The following WDR3 variants were observed in gnomAD, a reference collection of about 807,000 sequenced individuals.
The protein encoded by WDR3 is WD repeat-containing protein 3.
WDR3 carries 81 observed loss-of-function variants against 123.7 expected under a neutral mutation model. That is an observed-to-expected ratio of 0.65 (90% confidence interval 0.55 to 0.79). WDR3 has a LOEUF of 0.79. Ranked by LOEUF, WDR3 falls within the 30% of genes least tolerant of loss-of-function variation. The probability of loss-of-function intolerance (pLI) is 0.00; values close to 1 mark genes in which losing one functional copy is unlikely to be tolerated. For missense variants in WDR3, 1,027 were observed against 1,123.2 expected, an observed-to-expected ratio of 0.91 and a Z score of 1.22; for synonymous variants, 390 against 388.8, an observed-to-expected ratio of 1.00 and a Z score of -0.04.
intron 22 of WDR3, 22 bp downstream of exon 22, chr1:117,954,121 T>G (rs780773815): frequency 6.3e-7 from 1 of 1,586,906 alleles, no homozygotes; most frequent in Non-Finnish European, 8.6e-7. Flanking sequence ...GTACAGTAAG[T>G]TACAGTATCA....
At chr1:117,948,679 GT>G (rs1651498065) in intron 13 of WDR3, among the ~76,000 whole-genome samples, 173 bp downstream of exon 13, 1 of 149,056 alleles carries the variant, frequency 6.7e-6, no homozygotes, top group Middle Eastern at 3.3e-3. Context: ...ATGAAATCTT[GT>G]TTGGCTACTT....
intron 15 of WDR3, 106 bp downstream of exon 15, chr1:117,950,236 C>T: frequency 7.6e-7 from 1 of 1,324,396 alleles, no homozygotes; most frequent in Non-Finnish European, 1.0e-6. Flanking sequence ...AGCGATAGTA[C>T]ATTTCTAAAA....
chr1:117,956,559 T>A (rs1031102409), intron 24 of WDR3, among the ~76,000 whole-genome samples: 3 of 152,162 alleles, frequency 2.0e-5, no homozygotes, highest in Non-Finnish European at 4.4e-5. Flanking sequence ...AATTAATAGG[T>A]TTGTAATCCC....
chr1:117,939,341 G>C (rs539035503), intron 5 of WDR3, 136 bp from the exon 6 acceptor site: 92 of 800,472 alleles, frequency 1.1e-4, no homozygotes, highest in Admixed American at 2.6e-4. Flanking sequence ...ATTTTGAAAG[G>C]GTTGTCGATA....
In WDR3 at chr1:117,961,144, G is replaced by C. The variant is rs1158052060; in HGVS notation, c.*1697G>C. 1 of 152,160 alleles carries C rather than the reference G, an allele frequency of 6.6e-6. No individual in the cohort carries two copies. The highest frequency in any genetic ancestry group is 2.4e-5 in the African/African-American group (1 of 41,424). 9.4% of individuals were successfully genotyped at this position (152,160 alleles called of 1,614,324 possible). A position where few individuals can be genotyped will look rare whatever the true frequency, so the allele number is the denominator to read the frequency against. On this transcript the variant is annotated 3_prime_UTR_variant, in exon 27 of 27. Coordinates refer to ENST00000349139, the MANE Select transcript of WDR3 (RefSeq NM_006784.3). Reference sequence around the variant, plus strand: ...TAAAAATACAAAAAACTAGCTGGGCGTGGTGGCAGGCGCTTGTAATCCCAG... The same window carrying C: ...TAAAAATACAAAAAACTAGCTGGGCCTGGTGGCAGGCGCTTGTAATCCCAG...
chr1:117,931,436 C>T (rs1207848437), intron 1 of WDR3, among the ~76,000 whole-genome samples: 1 of 151,966 alleles, frequency 6.6e-6, no homozygotes, highest in Non-Finnish European at 1.5e-5. Flanking sequence ...TGGTTTTGAG[C>T]CTGAAGAGCT....
At chr1:117,941,317 T>C in intron 8 of WDR3, 92 bp downstream of exon 8, 1 of 1,243,784 alleles carries the variant, frequency 8.0e-7, no homozygotes, top group Non-Finnish European at 1.1e-6. Context: ...TGACTTTTTC[T>C]TGACTCATGT....
intron 25 of WDR3, among the ~76,000 whole-genome samples, chr1:117,957,663 A>G (rs1652412724): frequency 6.6e-6 from 1 of 152,200 alleles, no homozygotes; most frequent in Non-Finnish European, 1.5e-5. Flanking sequence ...CAAATTTGTA[A>G]ACTTTATTAA....
At chr1:117,950,960 TTG>T in intron 16 of WDR3, 70 bp downstream of exon 16, 1 of 1,265,698 alleles carries the variant, frequency 7.9e-7, no homozygotes, top group Non-Finnish European at 1.1e-6. Flanking sequence ...TAATTCTGGC[TTG>T]ATGTCTTCAT....
At chr1:117,946,205 T>C (rs1363737723) in intron 12 of WDR3, 26 bp downstream of exon 12, 1 of 1,564,924 alleles carries the variant, frequency 6.4e-7, no homozygotes, top group Non-Finnish European at 8.7e-7. Context: ...TTCTGGGATA[T>C]CTGGATCTTT....
chr1:117,956,460 C>T (rs1034015759), intron 24 of WDR3, among the ~76,000 whole-genome samples: 4 of 152,098 alleles, frequency 2.6e-5, no homozygotes, highest in Non-Finnish European at 4.4e-5. Flanking sequence ...AACTTCACTA[C>T]AGGAATGTAA....
intron 12 of WDR3, 83 bp downstream of exon 12, chr1:117,946,262 C>A: frequency 3.6e-6 from 4 of 1,122,762 alleles, no homozygotes; most frequent in South Asian, 3.5e-5. Context: ...TTCTTTTTAG[C>A]ATATTGGAAA....
intron 12 of WDR3, among the ~76,000 whole-genome samples, chr1:117,946,851 G>T (rs898854120): frequency 1.4e-5 from 2 of 147,348 alleles, no homozygotes; most frequent in Non-Finnish European, 3.0e-5. Context: ...TGAGGCAGGA[G>T]AATGGCGTGA....
chr1:117,949,716 A>G (rs1311567703), intron 13 of WDR3, 35 bp from the exon 14 acceptor site: 1 of 1,605,190 alleles, frequency 6.2e-7, no homozygotes, highest in Admixed American at 1.7e-5. Flanking sequence ...TTTATGCTAA[A>G]ATAGTTTTTA....
intron 24 of WDR3, 124 bp downstream of exon 24, chr1:117,955,482 G>C: frequency 2.4e-6 from 2 of 840,968 alleles, no homozygotes; most frequent in East Asian, 5.7e-5. Context: ...CTATATCAAA[G>C]TTTTGATGGA....
Position 117,952,321 on chromosome 1 carries a change from C to T in WDR3, c.1929C>T (p.Pro643=), listed in dbSNP as rs1307729157. 2.5e-6 allele frequency: 4 copies of T among 1,612,350 alleles called. No individual in the cohort carries two copies. The African/African-American group carries it at 5.3e-5, about 22-fold the overall frequency. ...DDSVMYLQFV[P]KSHLFFTAGK... ...GTGTGATGTACCTACAGTTTGTACC[C>T]AAGTCTCACCTCTTCTTCACTGCCG... The change falls in exon 18 of 27, where the codon CCC becomes CCT. Residue 643 remains proline (P), a synonymous_variant. Coordinates refer to ENST00000349139, the MANE Select transcript of WDR3 (RefSeq NM_006784.3).
chr1:117,933,449 T>C lies in WDR3; in HGVS notation c.130T>C (p.Cys44Arg), dbSNP rs1650806225. The stretch of plus-strand genomic sequence containing the variant: ...AGGACGTTATGTGGCAGTACCAGCT[T>C]GTGAACACGTTTTCATCTGGGACTT... ...EKGRYVAVPA[C>R]EHVFIWDLRK... Residue 44 changes from cysteine (C) to arginine (R), a missense_variant, in exon 2 of 27, where the codon TGT (cysteine) becomes CGT (arginine). Transcript: ENST00000349139. The C allele has an allele frequency of 6.2e-7, 1 of 1,614,068 alleles. No individual in the cohort carries two copies. Among genetic ancestry groups the C allele is most frequent in the South Asian group, 1.1e-5 (1 of 91,088 alleles).
intron 1 of WDR3, 68 bp downstream of exon 1, chr1:117,929,850 C>T (rs1650635555): frequency 6.6e-6 from 1 of 152,454 alleles, no homozygotes; most frequent in Non-Finnish European, 1.5e-5. Context: ...CAGATTCTGG[C>T]TGAGGCGTTC....
chr1:117,935,613 C>T (rs986504996), intron 3 of WDR3, among the ~76,000 whole-genome samples: 2 of 151,522 alleles, frequency 1.3e-5, no homozygotes, highest in African/African-American at 4.8e-5. Context: ...GCTATTTGAG[C>T]GAAATTTTTA....
Sources: gnomAD v4.1 joint callset for allele counts (sites outside exome capture counted in the v4.1 genomes callset) on GRCh38, gnomAD v4.1.1 for gene constraint, MANE v1.5 for transcripts, NCBI Gene and HGNC (gene_info 2026-07-23, HGNC 2026-07-21) for gene names.